PDZD2: variants seen among roughly 807,000 people sequenced by gnomAD.
The protein encoded by PDZD2 is PDZ domain containing 2, also known as PDZ domain-containing protein 2.
PDZD2 carries 90 observed loss-of-function variants against 220.7 expected under a neutral mutation model. That is an observed-to-expected ratio of 0.41 (90% confidence interval 0.34 to 0.49). The LOEUF (loss-of-function observed/expected upper bound fraction) is 0.49, where lower values mean the gene tolerates loss of function less well. Ranked by LOEUF, PDZD2 falls within the 20% of genes least tolerant of loss-of-function variation. PDZD2 has a pLI of 0.28. For synonymous variants in PDZD2, 1,375 were observed against 1,450.5 expected (o/e 0.95, Z 1.18); for missense variants, 3,174 against 3,608.5 (o/e 0.88, Z 3.08).
chr5:31,833,600 C>T (rs1756755919), intron 2 of PDZD2, among the ~76,000 whole-genome samples: 1 of 145,742 alleles, frequency 6.9e-6, no homozygotes, highest in Non-Finnish European at 1.5e-5. Context: ...TGCGCCATTG[C>T]ACTCCAGCCT....
At chr5:31,993,684 A>ATGG (rs1329555017) in intron 3 of PDZD2, among the ~76,000 whole-genome samples, 1 of 152,068 alleles carries the variant, frequency 6.6e-6, no homozygotes, top group Non-Finnish European at 1.5e-5. Flanking sequence ...TTTGTTTCAT[A>ATGG]TGTTGTTTCA....
intron 24 of PDZD2, among the ~76,000 whole-genome samples, chr5:32,102,612 G>A (rs1370957156): frequency 3.9e-5 from 6 of 152,024 alleles, no homozygotes; most frequent in Non-Finnish European, 8.8e-5. Context: ...AGGCAAGCAT[G>A]TGGCAACTCG....
chr5:31,833,923 G>T lies in PDZD2; in HGVS notation c.476+34199G>T, dbSNP rs138966298. Among the ~76,000 whole-genome samples the T allele has an allele frequency of 2.4e-4, 37 of 152,336 alleles. No individual in the cohort carries two copies. The East Asian group carries it at 6.2e-3, about 25-fold the overall frequency. ...CTGTACCCTGTGCCTGCTGGGCAGT[G>T]CAGGGTGGTTGAGAGGCCAGGTTAG... On this transcript the variant is annotated intron_variant, in intron 2 of 24. Coordinates refer to ENST00000438447, the MANE Select transcript of PDZD2 (RefSeq NM_178140.4).
In PDZD2 at chr5:32,101,186, GA is replaced by G; in HGVS notation, c.8304del (p.Lys2768AsnfsTer4). 1 of 1,614,104 alleles carries G rather than the reference GA, an allele frequency of 6.2e-7. No homozygotes were observed. The highest frequency in any genetic ancestry group is 8.5e-7 in the Non-Finnish European group (1 of 1,179,980). On this transcript the variant is annotated frameshift_variant, in exon 24 of 25. Transcript: ENST00000438447. LOFTEE classifies it high-confidence loss of function. ...GGGCTGGGACTGAGTCTGGATGGGG[GA>G]AAATCATCGGTGACGGGAGATGGGC... ...SAGLGLSLDG[G>X]KSSVTGDGPL...
intron 2 of PDZD2, among the ~76,000 whole-genome samples, chr5:31,977,182 T>C (rs1449584415): frequency 6.6e-6 from 1 of 152,094 alleles, no homozygotes; most frequent in African/African-American, 2.4e-5. Context: ...ATTGCACACA[T>C]AGACATCCAT....
intron 7 of PDZD2, among the ~76,000 whole-genome samples, chr5:32,044,195 G>A (rs1010279003): frequency 3.3e-5 from 5 of 152,112 alleles, no homozygotes; most frequent in Middle Eastern, 3.4e-3. Context: ...TGGGCATGGC[G>A]GCAGGTACCT....
intron 1 of PDZD2, among the ~76,000 whole-genome samples, chr5:31,702,767 G>A (rs1290366430): frequency 6.6e-6 from 1 of 152,218 alleles, no homozygotes; most frequent in Non-Finnish European, 1.5e-5. Context: ...ACTCAGAGTC[G>A]AATGAGTGTG....
chr5:31,996,056 G>C (rs1751601783), intron 4 of PDZD2, among the ~76,000 whole-genome samples: 3 of 152,158 alleles, frequency 2.0e-5, no homozygotes, highest in African/African-American at 7.2e-5. Context: ...CTGCTGAGTA[G>C]AACACCGCAT....
At chr5:31,703,602 G>C (rs1393511571) in intron 1 of PDZD2, among the ~76,000 whole-genome samples, 1 of 152,118 alleles carries the variant, frequency 6.6e-6, no homozygotes. Context: ...TAATAAACCT[G>C]CACGTTCTGC....
chr5:31,972,991 T>TC (rs751671775), intron 2 of PDZD2, among the ~76,000 whole-genome samples: 1 of 152,246 alleles, frequency 6.6e-6, no homozygotes, highest in Non-Finnish European at 1.5e-5. Context: ...CTAGAGATTC[T>TC]CTCTCTTTTT....
At chr5:31,962,104 T>A (rs548329530) in intron 2 of PDZD2, among the ~76,000 whole-genome samples, 2 of 152,368 alleles carry the variant, frequency 1.3e-5, no homozygotes, top group African/African-American at 4.8e-5. Context: ...GCCACACATT[T>A]GTTTTTTGAA....
intron 5 of PDZD2, among the ~76,000 whole-genome samples, chr5:32,003,327 A>AT (rs1752481095): frequency 3.4e-5 from 1 of 29,140 alleles, no homozygotes; most frequent in African/African-American, 1.6e-4. Context: ...CCACACACAC[A>AT]CCCCCACCAC....
intron 4 of PDZD2, among the ~76,000 whole-genome samples, chr5:31,998,572 T>C (rs1032246597): frequency 2.0e-5 from 3 of 152,084 alleles, no homozygotes; most frequent in African/African-American, 7.2e-5. Flanking sequence ...CTTCTGGGCG[T>C]GTCGGAGGCG....
At chr5:31,885,870 T>C (rs1740413064) in intron 2 of PDZD2, among the ~76,000 whole-genome samples, 1 of 151,954 alleles carries the variant, frequency 6.6e-6, no homozygotes, top group African/African-American at 2.4e-5. Flanking sequence ...GCATTATCCG[T>C]ATAGTTTGTT....
intron 2 of PDZD2, among the ~76,000 whole-genome samples, chr5:31,859,776 GT>G: frequency 6.6e-6 from 1 of 152,298 alleles, no homozygotes; most frequent in East Asian, 1.9e-4. Flanking sequence ...CCCAAGAATA[GT>G]TCCTTCTTAC....
chr5:31,834,683 T>C (rs777712169), intron 2 of PDZD2, among the ~76,000 whole-genome samples: 3 of 145,984 alleles, frequency 2.1e-5, no homozygotes, highest in African/African-American at 5.1e-5. Context: ...TTAGGGAACA[T>C]ACCTTTAAGA....
At chr5:32,047,126 G>A (rs1202882634) in intron 7 of PDZD2, among the ~76,000 whole-genome samples, 1 of 152,018 alleles carries the variant, frequency 6.6e-6, no homozygotes, top group East Asian at 1.9e-4. Flanking sequence ...TTTAAAATGG[G>A]CAAAAGACTT....
intron 1 of PDZD2, among the ~76,000 whole-genome samples, chr5:31,761,900 G>A (rs541718122): frequency 6.8e-4 from 103 of 150,870 alleles, no homozygotes; most frequent in Non-Finnish European, 1.0e-3. Context: ...TCACAGTTCC[G>A]TAGGCTGTAC....
chr5:32,001,255 G>A (rs1752081414), intron 5 of PDZD2, among the ~76,000 whole-genome samples: 1 of 152,202 alleles, frequency 6.6e-6, no homozygotes, highest in South Asian at 2.1e-4. Context: ...AATGTAGAGA[G>A]AGCGGCAGCT....
Sources: allele counts gnomAD v4.1 joint callset (sites outside exome capture counted in the v4.1 genomes callset), GRCh38; gene constraint gnomAD v4.1.1; transcripts MANE v1.5; gene names NCBI Gene and HGNC (gene_info 2026-07-23, HGNC 2026-07-21).